Variants in RALYL observed in about 807,000 individuals in gnomAD.
RALYL encodes the protein RNA-binding Raly-like protein.
In RALYL, 29 loss-of-function variants were observed where a neutral mutation model predicts 35.1. The ratio of observed to expected loss-of-function variants is 0.83; its 90% CI spans 0.61 to 1.13. The LOEUF is 1.13. Ranked by LOEUF, RALYL falls within the 50% of genes most tolerant of loss-of-function variation. RALYL has a pLI of 0.00. For missense variants in RALYL, 359 were observed against 360.4 expected, an observed-to-expected ratio of 1.00 and a Z score of 0.03; for synonymous variants, 120 against 127.6, an observed-to-expected ratio of 0.94 and a Z score of 0.40.
At chr8:84,429,954 T>C (rs563189798) in intron 1 of RALYL, among the ~76,000 whole-genome samples, 4 of 151,662 alleles carry the variant, frequency 2.6e-5, no homozygotes, top group African/African-American at 9.7e-5. Flanking sequence ...CATTTTACTC[T>C]GAAAGGTGCA....
intron 2 of RALYL, among the ~76,000 whole-genome samples, chr8:84,751,328 C>G (rs938740977): frequency 3.3e-5 from 5 of 152,116 alleles, no homozygotes; most frequent in African/African-American, 1.2e-4. Flanking sequence ...CTGCCTCAGC[C>G]TCCCAAGTAG....
At chr8:84,248,824 T>C (rs1260956884) in intron 1 of RALYL, among the ~76,000 whole-genome samples, 1 of 152,132 alleles carries the variant, frequency 6.6e-6, no homozygotes, top group Non-Finnish European at 1.5e-5. Flanking sequence ...TGGAAGGATT[T>C]ACATTTTCCT....
intron 2 of RALYL, among the ~76,000 whole-genome samples, chr8:84,619,386 G>C (rs1260963436): frequency 2.4e-4 from 36 of 147,388 alleles, no homozygotes; most frequent in South Asian, 6.5e-4. Context: ...TTGGTTTAAA[G>C]TCTGTTTTAT....
chr8:84,595,365 G>A (rs1240771136), intron 2 of RALYL, among the ~76,000 whole-genome samples: 1 of 152,138 alleles, frequency 6.6e-6, no homozygotes, highest in East Asian at 1.9e-4. Context: ...ATTGGGCACA[G>A]AGTGAATATC....
chr8:84,728,688 C>A (rs931783596), intron 2 of RALYL, among the ~76,000 whole-genome samples: 2 of 152,116 alleles, frequency 1.3e-5, no homozygotes, highest in South Asian at 2.1e-4. Flanking sequence ...CAGCTTTCTA[C>A]ATATGGCTAG....
intron 4 of RALYL, among the ~76,000 whole-genome samples, chr8:84,813,167 G>C (rs1380473753): frequency 1.3e-5 from 2 of 152,140 alleles, no homozygotes; most frequent in Non-Finnish European, 2.9e-5. Context: ...AAACTTTTCT[G>C]CCACAAACAG....
chr8:84,788,447 T>A (rs2634052), intron 3 of RALYL, among the ~76,000 whole-genome samples: 41,662 of 152,034 alleles, frequency 0.27, 6,156 homozygotes, highest in African/African-American at 0.36. Context: ...AACCAAAAAA[T>A]GATGTATTTT....
chr8:84,422,033 A>G (rs1056065774), intron 1 of RALYL, among the ~76,000 whole-genome samples: 2 of 152,046 alleles, frequency 1.3e-5, no homozygotes, highest in African/African-American at 4.8e-5. Context: ...TCTCTGCCTG[A>G]CTTTGGTATC....
intron 1 of RALYL, among the ~76,000 whole-genome samples, chr8:84,276,286 A>T (rs1397408284): frequency 6.6e-6 from 1 of 152,124 alleles, no homozygotes; most frequent in Non-Finnish European, 1.5e-5. Flanking sequence ...CAAATACTGA[A>T]ATGTGTTATT....
chr8:84,370,811 A>AG (rs1855527091), intron 1 of RALYL, among the ~76,000 whole-genome samples: 1 of 152,050 alleles, frequency 6.6e-6, no homozygotes, highest in African/African-American at 2.4e-5. Flanking sequence ...ACTTTGTGGA[A>AG]GCAGGAGGTG....
At chr8:84,686,444 G>A (rs567669973) in intron 2 of RALYL, among the ~76,000 whole-genome samples, 12 of 152,112 alleles carry the variant, frequency 7.9e-5, no homozygotes, top group Admixed American at 2.0e-4. Flanking sequence ...CAGCTCTGTC[G>A]CCCAACCTGG....
chr8:84,867,770 C>G (rs532723752), intron 6 of RALYL, among the ~76,000 whole-genome samples: 1 of 152,074 alleles, frequency 6.6e-6, no homozygotes, highest in African/African-American at 2.4e-5. Flanking sequence ...TTTTTCTTTG[C>G]CCACATAGCT....
intron 2 of RALYL, among the ~76,000 whole-genome samples, chr8:84,607,742 C>G (rs1303140829): frequency 6.6e-6 from 1 of 152,074 alleles, no homozygotes; most frequent in Non-Finnish European, 1.5e-5. Context: ...AATGAGGAAC[C>G]TATTGTGTAT....
At chr8:84,772,216 C>T (rs1415152753) in intron 2 of RALYL, among the ~76,000 whole-genome samples, 1 of 152,056 alleles carries the variant, frequency 6.6e-6, no homozygotes, top group African/African-American at 2.4e-5. Context: ...TCATTGGTCC[C>T]TTTCCTATCT....
chr8:84,528,530 G>A (rs933274515), intron 1 of RALYL, among the ~76,000 whole-genome samples: 9 of 152,098 alleles, frequency 5.9e-5, no homozygotes, highest in African/African-American at 2.2e-4. Flanking sequence ...GGAGCCTTTA[G>A]TTAAGTGAAT....
At chr8:84,721,263 G>A (rs545726259) in intron 2 of RALYL, among the ~76,000 whole-genome samples, 1 of 151,900 alleles carries the variant, frequency 6.6e-6, no homozygotes, top group South Asian at 2.1e-4. Context: ...ATGTGATCCA[G>A]CAGTTTCATT....
In RALYL at chr8:84,593,934, C is replaced by T. The variant is rs531168515; in HGVS notation, c.256+64357C>T. Reference sequence around the variant, plus strand: ...TTTCCACCCACTTGTTTATGATCATCTTCCTTGTAGCTTTGCCTCATGGAC... The same window carrying T: ...TTTCCACCCACTTGTTTATGATCATTTTCCTTGTAGCTTTGCCTCATGGAC... On this transcript the variant is annotated intron_variant, in intron 2 of 8. Transcript: ENST00000521268. Among the ~76,000 whole-genome samples the T allele has an allele frequency of 2.0e-5, 3 of 152,216 alleles. No homozygotes were observed. The South Asian group carries it at 6.2e-4, about 32-fold the overall frequency.
chr8:84,426,436 C>CTGTG (rs746277761), intron 1 of RALYL, among the ~76,000 whole-genome samples: 12,427 of 130,226 alleles, frequency 0.095, 519 homozygotes, highest in Admixed American at 0.13. Context: ...CTCTCTCTCT[C>CTGTG]TCTGTGTGTG....
intron 3 of RALYL, among the ~76,000 whole-genome samples, chr8:84,794,801 T>G (rs1336515077): frequency 6.6e-6 from 1 of 152,208 alleles, no homozygotes; most frequent in Admixed American, 6.5e-5. Flanking sequence ...AGGAGGTTCT[T>G]TATCCTTCAC....
Sources: allele counts gnomAD v4.1 joint callset (sites outside exome capture counted in the v4.1 genomes callset), GRCh38; gene constraint gnomAD v4.1.1; transcripts MANE v1.5; gene names NCBI Gene and HGNC (gene_info 2026-07-23, HGNC 2026-07-21).